The following CDIN1 variants were observed in gnomAD, a reference collection of about 807,000 sequenced individuals.
The protein encoded by CDIN1 is CDAN1-interacting nuclease 1.
A neutral mutation model predicts 45.3 loss-of-function variants in CDIN1; 33 were observed. That is an observed-to-expected ratio of 0.73 (90% CI 0.55 to 0.97). The LOEUF is 0.97. Ranked by LOEUF, CDIN1 falls within the 50% of genes least tolerant of loss-of-function variation. The probability of loss-of-function intolerance (pLI) is 0.00; values close to 1 mark genes in which losing one functional copy is unlikely to be tolerated. For synonymous variants in CDIN1, 118 were observed against 124.4 expected (o/e 0.95, Z 0.34); for missense variants, 303 against 339.4 (o/e 0.89, Z 0.84).
chr15:36,745,840 C>G (rs2044403825), intron 10 of CDIN1, among the ~76,000 whole-genome samples: 2 of 151,954 alleles, frequency 1.3e-5, no homozygotes, highest in Non-Finnish European at 2.9e-5. Flanking sequence ...GGGGTGGATG[C>G]CTGTAATCCC....
chr15:36,803,720 A>G (rs2055127141), intron 10 of CDIN1, among the ~76,000 whole-genome samples: 1 of 152,178 alleles, frequency 6.6e-6, no homozygotes, highest in Non-Finnish European at 1.5e-5. Flanking sequence ...TTCCTCCATA[A>G]GAGCACTCTC....
chr15:36,735,864 A>G (rs1045511851), intron 10 of CDIN1, among the ~76,000 whole-genome samples: 4 of 152,202 alleles, frequency 2.6e-5, no homozygotes, highest in Admixed American at 1.3e-4. Context: ...AGTAATAAAC[A>G]TTTGCTAATC....
At chr15:36,802,844 C>G (rs978442985) in intron 10 of CDIN1, among the ~76,000 whole-genome samples, 1 of 152,146 alleles carries the variant, frequency 6.6e-6, no homozygotes, top group Non-Finnish European at 1.5e-5. Context: ...CTGAGGATAG[C>G]TAGATTTTTC....
At chr15:36,780,800 G>A (rs576347903) in intron 10 of CDIN1, among the ~76,000 whole-genome samples, 17 of 152,298 alleles carry the variant, frequency 1.1e-4, no homozygotes, top group Non-Finnish European at 2.2e-4. Context: ...CTCAAGGTCA[G>A]AGAACTAGTA....
chr15:36,655,401 A>G (rs2040744421), intron 4 of CDIN1, among the ~76,000 whole-genome samples: 1 of 145,696 alleles, frequency 6.9e-6, no homozygotes, highest in South Asian at 2.1e-4. Context: ...ATCTTAGCTC[A>G]TTGCAACCTC....
intron 1 of CDIN1, among the ~76,000 whole-genome samples, chr15:36,580,215 C>T (rs1167445284): frequency 6.6e-6 from 1 of 152,190 alleles, no homozygotes; most frequent in African/African-American, 2.4e-5. Context: ...TTATGGAAAA[C>T]GTGGTACGTG....
At chr15:36,710,154 A>C (rs1407373990) in intron 10 of CDIN1, among the ~76,000 whole-genome samples, 193 bp downstream of exon 10, 2 of 152,198 alleles carry the variant, frequency 1.3e-5, no homozygotes, top group Non-Finnish European at 2.9e-5. Context: ...TTTTAAAACT[A>C]AAAATCTCTG....
intron 5 of CDIN1, among the ~76,000 whole-genome samples, chr15:36,669,503 T>C (rs1258731427): frequency 6.6e-6 from 1 of 152,126 alleles, no homozygotes; most frequent in Non-Finnish European, 1.5e-5. Flanking sequence ...CCTATATCCA[T>C]CACTCAGTTT....
chr15:36,587,933 G>A (rs2037384205), intron 1 of CDIN1, among the ~76,000 whole-genome samples: 1 of 152,126 alleles, frequency 6.6e-6, no homozygotes, highest in Non-Finnish European at 1.5e-5. Context: ...GGTGAAGTGA[G>A]ATAAGGCATG....
chr15:36,776,713 A>C (rs576804947), intron 10 of CDIN1, among the ~76,000 whole-genome samples: 1 of 152,338 alleles, frequency 6.6e-6, no homozygotes, highest in African/African-American at 2.4e-5. Context: ...AAGGCAGCAA[A>C]GAGCTTTGGT....
At chr15:36,672,176 T>C (rs1266011576) in intron 5 of CDIN1, among the ~76,000 whole-genome samples, 1 of 152,024 alleles carries the variant, frequency 6.6e-6, no homozygotes, top group Non-Finnish European at 1.5e-5. Flanking sequence ...GAGAAAACAG[T>C]TTTTTGTACT....
At chr15:36,597,559 T>C (rs920432278) in intron 1 of CDIN1, among the ~76,000 whole-genome samples, 4 of 152,252 alleles carry the variant, frequency 2.6e-5, no homozygotes, top group Non-Finnish European at 4.4e-5. Flanking sequence ...CAAGATTATT[T>C]TCCTATTTTT....
At chr15:36,718,812 C>CTTTTTTTTATTT (rs2043302909) in intron 10 of CDIN1, among the ~76,000 whole-genome samples, 1 of 96,626 alleles carries the variant, frequency 1.0e-5, no homozygotes. Flanking sequence ...AATTTGTATG[C>CTTTTTTTTATTT]TTTTTTTTTT....
intron 10 of CDIN1, among the ~76,000 whole-genome samples, chr15:36,802,376 G>A (rs1566985967): frequency 1.3e-5 from 2 of 152,120 alleles, no homozygotes; most frequent in Non-Finnish European, 2.9e-5. Context: ...GATTGGTCAA[G>A]GGCTCCCTGA....
chr15:36,580,357 G>T lies in CDIN1; in HGVS notation c.101+396G>T, dbSNP rs988271025. ...AGCAAATGGAGGACCCTTTTCAATTGGCCGTTGGAAACAAACAAGGGAGCA... is the reference window on the plus strand; with the variant it reads ...AGCAAATGGAGGACCCTTTTCAATTTGCCGTTGGAAACAAACAAGGGAGCA... On this transcript the variant is annotated intron_variant, in intron 1 of 10. Transcript: ENST00000566621. 5.3e-5 allele frequency among the ~76,000 whole-genome samples: 8 copies of T among 152,256 alleles called. No individual in the cohort carries two copies. The East Asian group carries it at 9.7e-4, about 18-fold the overall frequency.
intron 8 of CDIN1, chr15:36,704,381 G>T (rs2140802441): frequency 6.6e-6 from 1 of 152,072 alleles, no homozygotes; most frequent in Admixed American, 6.6e-5. Flanking sequence ...CGGTGCTATT[G>T]GTCTCCCCAT....
intron 10 of CDIN1, among the ~76,000 whole-genome samples, chr15:36,735,227 C>T (rs1467622508): frequency 6.6e-6 from 1 of 152,106 alleles, no homozygotes; most frequent in Non-Finnish European, 1.5e-5. Flanking sequence ...TCATGTTATT[C>T]TTTCAATATG....
chr15:36,758,631 A>G (rs1458130838), intron 10 of CDIN1, among the ~76,000 whole-genome samples: 1 of 152,204 alleles, frequency 6.6e-6, no homozygotes, highest in Non-Finnish European at 1.5e-5. Flanking sequence ...CTTTACAAAG[A>G]AATATATCAC....
At chr15:36,716,782 G>A (rs1231662715) in intron 10 of CDIN1, among the ~76,000 whole-genome samples, 1 of 152,148 alleles carries the variant, frequency 6.6e-6, no homozygotes, top group Non-Finnish European at 1.5e-5. Flanking sequence ...TCCAAACAGA[G>A]TCTTCATGAA....
Sources: gnomAD v4.1 joint callset for allele counts (sites outside exome capture counted in the v4.1 genomes callset) on GRCh38, gnomAD v4.1.1 for gene constraint, MANE v1.5 for transcripts, NCBI Gene and HGNC (gene_info 2026-07-23, HGNC 2026-07-21) for gene names.